WDFY4: variants seen among roughly 807,000 people sequenced by gnomAD.
The protein encoded by WDFY4 is WDFY family member 4.
WDFY4 carries 169 observed loss-of-function variants against 351.9 expected under a neutral mutation model. That is an observed-to-expected ratio of 0.48 (90% CI 0.42 to 0.55). WDFY4 has a LOEUF of 0.55. Ranked by LOEUF, WDFY4 falls within the 20% of genes least tolerant of loss-of-function variation. The pLI, the probability that WDFY4 is intolerant of heterozygous loss-of-function variation, is 0.00. For missense variants in WDFY4, 3,803 were observed against 3,935.6 expected (o/e 0.97, Z 0.90); for synonymous variants, 1,622 against 1,574.6 (o/e 1.03, Z -0.71).
At chr10:48,729,307 G>A in intron 7 of WDFY4, 125 bp from the exon 8 acceptor site, 1 of 1,385,842 alleles carries the variant, frequency 7.2e-7, no homozygotes, top group South Asian at 1.5e-5. Flanking sequence ...TGCCTCAGGT[G>A]CAGACCTGTG....
At chr10:48,937,523 T>A (rs1029626444) in intron 47 of WDFY4, among the ~76,000 whole-genome samples, 20 of 152,126 alleles carry the variant, frequency 1.3e-4, no homozygotes, top group African/African-American at 3.9e-4. Flanking sequence ...GTACACCACC[T>A]CCTTGCCCCA....
At chr10:48,686,453 C>A (rs552922558) in intron 1 of WDFY4, among the ~76,000 whole-genome samples, 1 of 152,234 alleles carries the variant, frequency 6.6e-6, no homozygotes, top group East Asian at 1.9e-4. Flanking sequence ...CTGAGGTCCT[C>A]TTCATGCCCA....
chr10:48,891,035 C>T (rs752533137), intron 44 of WDFY4, among the ~76,000 whole-genome samples: 5 of 152,196 alleles, frequency 3.3e-5, no homozygotes, highest in Non-Finnish European at 7.4e-5. Flanking sequence ...TCAACTTACT[C>T]ACTCAACGAC....
At chr10:48,698,484 C>G (rs1398705336) in intron 1 of WDFY4, among the ~76,000 whole-genome samples, 2 of 152,154 alleles carry the variant, frequency 1.3e-5, no homozygotes, top group Non-Finnish European at 2.9e-5. Context: ...CCCGGAGGAA[C>G]AGTGAGGGGC....
chr10:48,903,111 A>G (rs1420432140), intron 47 of WDFY4, among the ~76,000 whole-genome samples: 1 of 152,162 alleles, frequency 6.6e-6, no homozygotes, highest in East Asian at 1.9e-4. Flanking sequence ...CTCTGTCTAA[A>G]AAAAAAGGTG....
chr10:48,875,138 A>T lies in WDFY4; in HGVS notation c.6998A>T (p.Gln2333Leu). The T allele has an allele frequency of 6.8e-7, 1 of 1,471,250 alleles. No homozygotes were observed. Among genetic ancestry groups the T allele is most frequent in the Non-Finnish European group, 9.0e-7 (1 of 1,106,514 alleles). 91.1% of individuals were successfully genotyped at this position (1,471,250 alleles called of 1,614,324 possible). A position where few individuals can be genotyped will look rare whatever the true frequency, so the allele number is the denominator to read the frequency against. Reference protein sequence around the residue: ...DHISQTNAENQDELTLREAEG... With the variant: ...DHISQTNAENLDELTLREAEG... ...ATTTCTCAAACAAATGCTGAAAACCAAGGTATTCAGTTTATCTATTTTTTC... is the reference window on the plus strand; with the variant it reads ...ATTTCTCAAACAAATGCTGAAAACCTAGGTATTCAGTTTATCTATTTTTTC... Residue 2333 changes from glutamine (Q) to leucine (L), a missense_variant and splice_region_variant, in exon 42 of 62, where the codon CAA (glutamine) becomes CTA (leucine). Transcript: ENST00000325239.
At chr10:48,963,710 C>A in intron 53 of WDFY4, 132 bp from the exon 54 acceptor site, 1 of 1,041,204 alleles carries the variant, frequency 9.6e-7, no homozygotes, top group African/African-American at 1.6e-5. Context: ...GCTCATCAAG[C>A]CCAGGGGCTC....
chr10:48,752,402 G>T (rs73308041), intron 12 of WDFY4, among the ~76,000 whole-genome samples: 1 of 152,172 alleles, frequency 6.6e-6, no homozygotes. Flanking sequence ...ACTGAGGTGA[G>T]ATTTGCAGAA....
At chr10:48,876,256 A>G (rs2070003681) in intron 42 of WDFY4, among the ~76,000 whole-genome samples, 1 of 152,254 alleles carries the variant, frequency 6.6e-6, no homozygotes, top group Non-Finnish European at 1.5e-5. Context: ...CATCCAGTAC[A>G]GAAAAGATAA....
chr10:48,925,053 A>G (rs1322231219), intron 47 of WDFY4, among the ~76,000 whole-genome samples: 1 of 152,224 alleles, frequency 6.6e-6, no homozygotes, highest in Non-Finnish European at 1.5e-5. Flanking sequence ...CTTTGTAGGC[A>G]GTTTCATGTC....
intron 44 of WDFY4, among the ~76,000 whole-genome samples, chr10:48,893,621 G>T (rs1370922423): frequency 6.6e-6 from 1 of 152,246 alleles, no homozygotes; most frequent in Admixed American, 6.5e-5. Flanking sequence ...TAGATGGAAA[G>T]AGTGAATTAG....
intron 13 of WDFY4, among the ~76,000 whole-genome samples, chr10:48,769,334 A>G (rs952085562): frequency 1.3e-5 from 2 of 152,230 alleles, no homozygotes; most frequent in African/African-American, 4.8e-5. Flanking sequence ...ATGCTCATAT[A>G]AAGAGAGACA....
intron 1 of WDFY4, among the ~76,000 whole-genome samples, chr10:48,702,908 G>C (rs1589417063): frequency 6.6e-6 from 1 of 152,238 alleles, no homozygotes; most frequent in East Asian, 1.9e-4. Context: ...ATTGCTTGTT[G>C]AAGACATACT....
Position 48,832,647 on chromosome 10 carries a change from C to T in WDFY4, c.6601C>T (p.Leu2201=). 4 of 1,551,116 alleles carry T rather than the reference C, an allele frequency of 2.6e-6. No individual in the cohort carries two copies. The highest frequency in any genetic ancestry group is 3.5e-6 in the Non-Finnish European group (4 of 1,146,620). ...HSKVTLWSGS[L]SSAMKLMPGR... is the part of the protein sequence containing the mutation. ...CAAAGTCACTTTGTGGAGTGGAAGC[C>T]TGTCCTCAGCCATGAAGCTGATGCC... is the stretch of plus-strand genomic sequence containing the variant. Residue 2201 remains leucine, a synonymous_variant, in exon 39 of 62, where the codon CTG becomes TTG. Coordinates refer to ENST00000325239, the MANE Select transcript of WDFY4 (RefSeq NM_001394531.1).
Sources: gnomAD v4.1 joint callset for allele counts (sites outside exome capture counted in the v4.1 genomes callset) on GRCh38, gnomAD v4.1.1 for gene constraint, MANE v1.5 for transcripts, NCBI Gene and HGNC (gene_info 2026-07-23, HGNC 2026-07-21) for gene names.